The following BCAN variants were observed in gnomAD, a reference collection of about 807,000 sequenced individuals.
BCAN encodes the protein brevican.
A neutral mutation model predicts 92.4 loss-of-function variants in BCAN; 51 were observed. The ratio of observed to expected loss-of-function variants is 0.55; its 90% CI spans 0.44 to 0.70. The LOEUF is 0.70. BCAN is among the 30% of genes least tolerant of loss of function. BCAN has a pLI of 0.00. For synonymous variants in BCAN, 501 were observed against 505.2 expected (o/e 0.99, Z 0.11); for missense variants, 1,140 against 1,212.1 (o/e 0.94, Z 0.88).
chr1:156,648,011 T>C lies in BCAN; in HGVS notation c.670T>C (p.Cys224Arg), dbSNP rs573056385. 1 of 1,613,940 alleles carries C rather than the reference T, an allele frequency of 6.2e-7. No individual in the cohort carries two copies. The highest frequency in any genetic ancestry group is 1.3e-5 in the African/African-American group (1 of 74,904). Residue 224 changes from cysteine (C) to arginine (R), a missense_variant, in exon 5 of 14, where the codon TGT becomes CGT. Around this residue, in one of 3 missense-constraint regions of BCAN, gnomAD observed 29 missense variants for 56.2 expected, o/e 0.52. Coordinates refer to ENST00000329117, the MANE Select transcript of BCAN (RefSeq NM_021948.5). ...RYPIQTPREA[C>R]YGDMDGFPGV... ...TCCCATCCAGACCCCACGAGAGGCCTGTTACGGAGACATGGATGGCTTCCC... is the reference window on the plus strand; with the variant it reads ...TCCCATCCAGACCCCACGAGAGGCCCGTTACGGAGACATGGATGGCTTCCC...
rs1463271273 is a variant in BCAN, at chr1:156,652,690, A to C, written c.1740A>C (p.Gly580=). The C allele has an allele frequency of 6.2e-7, 1 of 1,610,642 alleles. No homozygotes were observed. Among genetic ancestry groups the C allele is most frequent in the Non-Finnish European group, 8.5e-7 (1 of 1,177,848 alleles). ...CTGAGCTATCTGGGGTCCCTCGAGG[A>C]GAGAGCGAGGAGACAGGAAGCTCCG... ...GGPELSGVPR[G]ESEETGSSEG... is the part of the protein sequence containing the mutation. The change falls in exon 8 of 14, where the codon GGA becomes GGC. Residue 580 remains glycine, a synonymous_variant. Coordinates refer to ENST00000329117, the MANE Select transcript of BCAN (RefSeq NM_021948.5).
Position 156,647,611 on chromosome 1 carries a change from G to A in BCAN, c.570G>A (p.Glu190=), listed in dbSNP as rs1408418257. 1.2e-6 allele frequency: 2 copies of A among 1,612,934 alleles called. No homozygotes were observed. The highest frequency in any genetic ancestry group is 2.7e-5 in the African/African-American group (2 of 74,902). The stretch of plus-strand genomic sequence containing the variant: ...TTGGAGCCCACATCGCCACCCCGGA[G>A]CAGCTCTATGCCGCCTACCTTGGGG... ...ARIGAHIATP[E]QLYAAYLGGY... Residue 190 remains glutamate (E), a synonymous_variant, in exon 4 of 14, where the codon GAG becomes GAA. Coordinates refer to ENST00000329117, the MANE Select transcript of BCAN (RefSeq NM_021948.5). This position sits in a 1 kb window ranked among gnomAD's most constrained non-coding sequence, Gnocchi z 4.8.
chr1:156,656,240 G>C, intron 8 of BCAN, 42 bp from the exon 9 acceptor site: 1 of 1,387,962 alleles, frequency 7.2e-7, no homozygotes, highest in Non-Finnish European at 9.5e-7. Context: ...TGCAGAGTGC[G>C]GCTGCCTCGC....
intron 9 of BCAN, 76 bp downstream of exon 9, chr1:156,656,465 A>T: frequency 8.5e-7 from 1 of 1,176,786 alleles, no homozygotes; most frequent in Non-Finnish European, 1.1e-6. Flanking sequence ...GGGGGGAGGG[A>T]GAACATTGGT....
At position 156,647,036 on chromosome 1, in the gene BCAN, A is replaced by G; in HGVS notation, c.327A>G (p.Ala109=). 6.2e-7 allele frequency: 1 copy of G among 1,612,834 alleles called. No individual in the cohort carries two copies. The highest frequency in any genetic ancestry group is 2.2e-5 in the East Asian group (1 of 44,834). Residue 109 remains alanine (A), a synonymous_variant, in exon 3 of 14, where the codon GCA becomes GCG. Transcript: ENST00000329117. The surrounding 1 kb of genome is among the most constrained non-coding windows in gnomAD (Gnocchi z 4.8). ...ACGAGGCCTACCGGTTCCGCGTGGCACTGCCTGCGTACCCAGCGTCGCTCA... is the reference window on the plus strand; with the variant it reads ...ACGAGGCCTACCGGTTCCGCGTGGCGCTGCCTGCGTACCCAGCGTCGCTCA... ...KVNEAYRFRV[A]LPAYPASLTD...
At chr1:156,650,191 G>T (rs1431891673) in intron 6 of BCAN, among the ~76,000 whole-genome samples, 1 of 152,076 alleles carries the variant, frequency 6.6e-6, no homozygotes, top group South Asian at 2.1e-4. Flanking sequence ...CTGTGTGCTG[G>T]CTATGATTGT....
chr1:156,656,225 C>T (rs1557992010), intron 8 of BCAN, 57 bp from the exon 9 acceptor site: 1 of 1,277,218 alleles, frequency 7.8e-7, no homozygotes, highest in Non-Finnish European at 1.0e-6. Context: ...CTGGAGGGCT[C>T]AGGCTGCAGA....
intron 6 of BCAN, 26 bp from the exon 7 acceptor site, chr1:156,651,430 G>A (rs369888202): frequency 5.3e-5 from 84 of 1,587,480 alleles, no homozygotes; most frequent in Admixed American, 3.9e-4. Flanking sequence ...ATTCAGGCTC[G>A]CATCAATACT....
In BCAN at chr1:156,658,016, A is replaced by C; in HGVS notation, c.2293-111A>C. The C allele has an allele frequency of 7.7e-7, 1 of 1,305,046 alleles. No individual in the cohort carries two copies. Among genetic ancestry groups the C allele is most frequent in the Non-Finnish European group, 1.1e-6 (1 of 941,964 alleles). The allele number at this position is 1,305,046 out of a possible 1,614,324, so 80.8% of individuals were successfully genotyped here. ...GGGAGATCCCCTACCCCCTAGCCCTAACCTTCCCTCTCCTGGGGCCCCGCT... is the reference window on the plus strand; with the variant it reads ...GGGAGATCCCCTACCCCCTAGCCCTCACCTTCCCTCTCCTGGGGCCCCGCT... On this transcript the variant is annotated intron_variant, in intron 11 of 13. Coordinates refer to ENST00000329117, the MANE Select transcript of BCAN (RefSeq NM_021948.5). The surrounding 1 kb of genome is among the most constrained non-coding windows in gnomAD (Gnocchi z 4.4).
At chr1:156,651,370 T>C (rs907238346) in intron 6 of BCAN, 86 bp from the exon 7 acceptor site, 22 of 1,224,066 alleles carry the variant, frequency 1.8e-5, no homozygotes, top group African/African-American at 1.2e-4. Context: ...TGTGAGAGAA[T>C]TGAGAGAATT....
chr1:156,659,010 G>C lies in BCAN; in HGVS notation c.2629-17G>C, dbSNP rs966113004. On this transcript the variant is annotated splice_polypyrimidine_tract_variant and intron_variant, in intron 13 of 13. Coordinates refer to ENST00000329117, the MANE Select transcript of BCAN (RefSeq NM_021948.5). Reference sequence around the variant, plus strand: ...AAGGAAGAGCCAGGGTGGAGGGTGAGTGTGTGTCTTCCCCAGGCCCGAGCT... The same window carrying C: ...AAGGAAGAGCCAGGGTGGAGGGTGACTGTGTGTCTTCCCCAGGCCCGAGCT... 3 of 1,578,216 alleles carry C rather than the reference G, an allele frequency of 1.9e-6. No homozygotes were observed. The highest frequency in any genetic ancestry group is 2.6e-6 in the Non-Finnish European group (3 of 1,161,198).
Position 156,647,829 on chromosome 1 carries a change from G to C in BCAN, c.641+147G>C. On this transcript the variant is annotated intron_variant, in intron 4 of 13. Coordinates refer to ENST00000329117, the MANE Select transcript of BCAN (RefSeq NM_021948.5). The surrounding 1 kb of genome is among the most constrained non-coding windows in gnomAD (Gnocchi z 4.8). ...AGGCTGGTCTGAGGAGGGGAGGTGA[G>C]GACCCTGAGCATGTGCATCCCTGCA... 1 of 1,529,800 alleles carries C rather than the reference G, an allele frequency of 6.5e-7. No homozygotes were observed. The allele number at this position is 1,529,800 out of a possible 1,614,324, so 94.8% of individuals were successfully genotyped here. A position where few individuals can be genotyped will look rare whatever the true frequency, so the allele number is the denominator to read the frequency against.
At chr1:156,654,038 C>T (rs1679260491) in intron 8 of BCAN, among the ~76,000 whole-genome samples, 1 of 152,192 alleles carries the variant, frequency 6.6e-6, no homozygotes, top group African/African-American at 2.4e-5. Context: ...CCGTCTTCTC[C>T]ACTAACTCCT....
In BCAN at chr1:156,652,370, G is replaced by A; in HGVS notation, c.1420G>A (p.Val474Met). Residue 474 changes from valine (V) to methionine (M), a missense_variant, in exon 8 of 14, where the codon GTG (valine) becomes ATG (methionine). This residue lies in a region of BCAN where 825 missense variants were observed against 871.8 expected (regional missense o/e 0.95). Coordinates refer to ENST00000329117, the MANE Select transcript of BCAN (RefSeq NM_021948.5). ...AGAGGAGGAAGAAGAAGAGGAGGAG[G>A]TGGAGGATGAGGCTCTGTGGGCATG... ...EKEEEEEEEE[V>M]EDEALWAWPS... 1.2e-6 allele frequency: 2 copies of A among 1,612,806 alleles called. No homozygotes were observed. Among genetic ancestry groups the A allele is most frequent in the Non-Finnish European group, 1.7e-6 (2 of 1,179,322 alleles).
chr1:156,644,994 C>T (rs1387669396), intron 1 of BCAN: 1 of 152,276 alleles, frequency 6.6e-6, no homozygotes, highest in African/African-American at 2.4e-5. Flanking sequence ...CCTGACTTGG[C>T]TTTACTAGGG....
rs372487834 is a variant in BCAN, at chr1:156,652,756, G to A, written c.1806G>A (p.Glu602=). 4.0e-5 allele frequency: 64 copies of A among 1,609,300 alleles called. No homozygotes were observed. The African/African-American group carries it at 6.3e-4, about 16-fold the overall frequency. ...TGCTTCCAGCCACACGGGCCCCTGA[G>A]GGTACCAGGGAGCTGGAGGCCCCCT... ...PSLLPATRAP[E]GTRELEAPSE... is the part of the protein sequence containing the mutation. Residue 602 remains glutamate (E), a synonymous_variant, in exon 8 of 14, where the codon GAG becomes GAA. Transcript: ENST00000329117.
In BCAN at chr1:156,658,374, G is replaced by T; in HGVS notation, c.2437+103G>T. 6.6e-7 allele frequency: 1 copy of T among 1,507,042 alleles called. No individual in the cohort carries two copies. The allele number at this position is 1,507,042 out of a possible 1,614,324, so 93.4% of individuals were successfully genotyped here. Reference sequence around the variant, plus strand: ...ACAGAGAGTGCAAAGCAACATAGAGGAGTCAGAACGTGTTCCAGACCATGG... The same window carrying T: ...ACAGAGAGTGCAAAGCAACATAGAGTAGTCAGAACGTGTTCCAGACCATGG... On this transcript the variant is annotated intron_variant, in intron 12 of 13. Coordinates refer to ENST00000329117, the MANE Select transcript of BCAN (RefSeq NM_021948.5). This position sits in a 1 kb window ranked among gnomAD's most constrained non-coding sequence, Gnocchi z 4.4.
chr1:156,646,770 T>C, intron 2 of BCAN, 31 bp from the exon 3 acceptor site: 1 of 1,517,756 alleles, frequency 6.6e-7, no homozygotes, highest in South Asian at 1.3e-5. Context: ...GTCGACAGCG[T>C]TAAGTTCCAG....
chr1:156,659,202 C>T lies in BCAN; in HGVS notation c.*68C>T, dbSNP rs1158078096. 1.1e-5 allele frequency: 13 copies of T among 1,214,166 alleles called. No individual in the cohort carries two copies. Among genetic ancestry groups the T allele is most frequent in the South Asian group, 5.9e-5 (4 of 68,242 alleles). The allele number at this position is 1,214,166 out of a possible 1,614,324, so 75.2% of individuals were successfully genotyped here. On this transcript the variant is annotated 3_prime_UTR_variant, in exon 14 of 14. Coordinates refer to ENST00000329117, the MANE Select transcript of BCAN (RefSeq NM_021948.5). ...CACCCAAATTTTCCCTCACACCCTG[C>T]GCTCCCGCCACCACAGGAAGTGACA...
Sources: gnomAD v4.1 joint callset for allele counts (sites outside exome capture counted in the v4.1 genomes callset) on GRCh38, gnomAD v4.1.1 for gene constraint, gnomAD v4.1.1 regional missense constraint, Gnocchi (gnomAD v3.1) non-coding constraint, MANE v1.5 for transcripts, NCBI Gene and HGNC (gene_info 2026-07-23, HGNC 2026-07-21) for gene names.